The following TRMT10A variants were observed in gnomAD, a reference collection of about 807,000 sequenced individuals.
TRMT10A encodes the protein tRNA methyltransferase 10A.
TRMT10A carries 37 observed loss-of-function variants against 40.4 expected under a neutral mutation model. The observed-to-expected ratio is 0.92, with a 90% confidence interval of 0.71 to 1.21. TRMT10A has a LOEUF of 1.21. TRMT10A is among the 50% of genes most tolerant of loss of function. The pLI is 0.00. For synonymous variants in TRMT10A, 103 were observed against 134.1 expected (o/e 0.77, Z 1.60); for missense variants, 388 against 404.3 (o/e 0.96, Z 0.35).
chr4:99,551,909 G>GA (rs1000423057), intron 6 of TRMT10A, among the ~76,000 whole-genome samples: 128 of 143,548 alleles, frequency 8.9e-4, no homozygotes, highest in Non-Finnish European at 1.4e-3. Flanking sequence ...TTAAAAAGTT[G>GA]AAAAAAAAAG....
intron 1 of TRMT10A, among the ~76,000 whole-genome samples, chr4:99,563,067 C>T (rs1203058618): frequency 6.6e-6 from 1 of 152,158 alleles, no homozygotes; most frequent in African/African-American, 2.4e-5. Context: ...GTGATCCACC[C>T]GCCTTGCCCT....
chr4:99,551,297 ACATATCTCCTAACT>A (rs1464415238), intron 6 of TRMT10A, among the ~76,000 whole-genome samples: 22 of 152,216 alleles, frequency 1.4e-4, no homozygotes, highest in Admixed American at 7.9e-4. Flanking sequence ...AATCTGGCTC[ACATATCTCCTAACT>A]CAAATATCTT....
chr4:99,561,879 T>A (rs1682791664), intron 1 of TRMT10A, among the ~76,000 whole-genome samples: 1 of 152,164 alleles, frequency 6.6e-6, no homozygotes. Flanking sequence ...TTACAGTAAC[T>A]ATAAAAATAT....
At chr4:99,549,404 A>G (rs371195488) in intron 7 of TRMT10A, 48 bp from the exon 8 acceptor site, 2 of 1,591,096 alleles carry the variant, frequency 1.3e-6, no homozygotes, top group Non-Finnish European at 1.7e-6. Flanking sequence ...GTTCATCACA[A>G]TGCTGCACAA....
chr4:99,557,206 G>T, intron 4 of TRMT10A, 139 bp downstream of exon 4: 1 of 668,718 alleles, frequency 1.5e-6, no homozygotes, highest in Non-Finnish European at 2.4e-6. Context: ...CTTCATTTCT[G>T]TCAAAAAAAT....
Position 99,547,867 on chromosome 4 carries a change from A to G in TRMT10A, c.*1221T>C, listed in dbSNP as rs1308650288. On this transcript the variant is annotated 3_prime_UTR_variant, in exon 8 of 8. Transcript: ENST00000394876. ...AAGAACAGCAACTTATTTTACCCAAACTCAATGAAGGCTACTGAAATCTTT... is the reference window on the plus strand; with the variant it reads ...AAGAACAGCAACTTATTTTACCCAAGCTCAATGAAGGCTACTGAAATCTTT... 6.6e-6 allele frequency: 1 copy of G among 152,028 alleles called. No homozygotes were observed. The highest frequency in any genetic ancestry group is 1.5e-5 in the Non-Finnish European group (1 of 67,960). 9.4% of individuals were successfully genotyped at this position (152,028 alleles called of 1,614,324 possible).
intron 7 of TRMT10A, among the ~76,000 whole-genome samples, chr4:99,550,456 C>A (rs1723915770): frequency 6.6e-6 from 1 of 152,182 alleles, no homozygotes. Flanking sequence ...TCTCAAAGTG[C>A]TAGGATTAGG....
At chr4:99,553,349 G>C (rs1311229826) in intron 6 of TRMT10A, among the ~76,000 whole-genome samples, 4 of 152,110 alleles carry the variant, frequency 2.6e-5, no homozygotes, top group Non-Finnish European at 2.9e-5. Context: ...ACAAATGAAA[G>C]ATAATAGAAA....
Position 99,547,298 on chromosome 4 carries a change from G to A in TRMT10A, c.*1790C>T, listed in dbSNP as rs1723774089. On this transcript the variant is annotated 3_prime_UTR_variant, in exon 8 of 8. Coordinates refer to ENST00000394876, the MANE Select transcript of TRMT10A (RefSeq NM_001134665.3). ...GTATTCTTTCCTAGGGCCTAAGGAG[G>A]AAGCATGGCACTGGGACATTGTGAG... 3 of 152,098 alleles carry A rather than the reference G, an allele frequency of 2.0e-5. No individual in the cohort carries two copies. Among genetic ancestry groups the A allele is most frequent in the Admixed American group, 6.6e-5 (1 of 15,230 alleles). 9.4% of individuals were successfully genotyped at this position (152,098 alleles called of 1,614,324 possible).
chr4:99,557,255 C>CTACT lies in TRMT10A; in HGVS notation c.420+86_420+89dup, dbSNP rs1467405909. The CTACT allele has an allele frequency of 7.8e-6, 10 of 1,289,424 alleles. No individual in the cohort carries two copies. In the Admixed American group the frequency reaches 1.3e-4, roughly 17 times the overall value. 79.9% of individuals were successfully genotyped at this position (1,289,424 alleles called of 1,614,324 possible). ...GCATTAAACAAGATTACCTGTAAGA[C>CTACT]TACTGCAAAGACTATAGGAATTATC... On this transcript the variant is annotated intron_variant, in intron 4 of 7. Coordinates refer to ENST00000394876, the MANE Select transcript of TRMT10A (RefSeq NM_001134665.3).
chr4:99,557,221 T>C lies in TRMT10A; in HGVS notation c.420+124A>G, dbSNP rs953818882. The C allele has an allele frequency of 7.7e-6, 7 of 911,492 alleles. No individual in the cohort carries two copies. In the African/African-American group the frequency reaches 1.0e-4, roughly 13 times the overall value. 56.5% of individuals were successfully genotyped at this position (911,492 alleles called of 1,614,324 possible). On this transcript the variant is annotated intron_variant, in intron 4 of 7. Coordinates refer to ENST00000394876, the MANE Select transcript of TRMT10A (RefSeq NM_001134665.3). Reference sequence around the variant, plus strand: ...CTTCATTTCTGTCAAAAAAATTTTTTTCACATAGGCATTAAACAAGATTAC... The same window carrying C: ...CTTCATTTCTGTCAAAAAAATTTTTCTCACATAGGCATTAAACAAGATTAC...
intron 7 of TRMT10A, among the ~76,000 whole-genome samples, chr4:99,550,203 T>A (rs952498095): frequency 6.6e-6 from 1 of 152,212 alleles, no homozygotes; most frequent in Non-Finnish European, 1.5e-5. Context: ...TAAATTTATT[T>A]ATTTGAGACA....
chr4:99,557,324 C>T, intron 4 of TRMT10A, 21 bp downstream of exon 4: 1 of 1,601,970 alleles, frequency 6.2e-7, no homozygotes, highest in Admixed American at 1.7e-5. Flanking sequence ...CTAGAGTCTG[C>T]TTTAAAATCT....
At chr4:99,557,316 A>G (rs1406054846) in intron 4 of TRMT10A, 29 bp downstream of exon 4, 2 of 1,591,508 alleles carry the variant, frequency 1.3e-6, no homozygotes, top group Non-Finnish European at 1.7e-6. Flanking sequence ...AAAGAAAACT[A>G]GAGTCTGCTT....
intron 2 of TRMT10A, among the ~76,000 whole-genome samples, chr4:99,558,434 A>G (rs1054088077): frequency 6.6e-5 from 10 of 152,206 alleles, no homozygotes; most frequent in South Asian, 2.1e-4. Context: ...AAAGCTTTCT[A>G]TCTAAATCCT....
intron 1 of TRMT10A, 98 bp from the exon 2 acceptor site, chr4:99,559,459 C>A: frequency 2.6e-6 from 2 of 778,574 alleles, no homozygotes; most frequent in Non-Finnish European, 3.9e-6. Context: ...ATAAATAAAA[C>A]TTTAGACAAA....
chr4:99,552,762 T>C (rs1325927387), intron 6 of TRMT10A, among the ~76,000 whole-genome samples: 2 of 152,070 alleles, frequency 1.3e-5, no homozygotes, highest in African/African-American at 4.8e-5. Flanking sequence ...ATGCAGAATA[T>C]GAATTTCATC....
At chr4:99,550,847 C>A (rs13129571) in intron 7 of TRMT10A, 38 bp downstream of exon 7, 1 of 1,401,162 alleles carries the variant, frequency 7.1e-7, no homozygotes, top group South Asian at 1.2e-5. Flanking sequence ...TCACAATGTT[C>A]GCTCAGGTAT....
intron 1 of TRMT10A, among the ~76,000 whole-genome samples, chr4:99,562,350 C>T (rs1336065001): frequency 2.0e-5 from 3 of 149,178 alleles, no homozygotes; most frequent in Non-Finnish European, 4.5e-5. Flanking sequence ...TCAATGAGCA[C>T]CAAAAGAAAA....
Sources: allele counts gnomAD v4.1 joint callset (sites outside exome capture counted in the v4.1 genomes callset), GRCh38; gene constraint gnomAD v4.1.1; transcripts MANE v1.5; gene names NCBI Gene and HGNC (gene_info 2026-07-23, HGNC 2026-07-21).